E2F2: variants seen among roughly 807,000 people sequenced by gnomAD.
E2F2 encodes transcription factor E2F2.
A neutral mutation model predicts 42.2 loss-of-function variants in E2F2; 22 were observed. The ratio of observed to expected loss-of-function variants is 0.52; its 90% CI spans 0.37 to 0.74. The LOEUF (loss-of-function observed/expected upper bound fraction) is 0.74. E2F2 is among the 30% of genes least tolerant of loss of function. The pLI, the probability that E2F2 is intolerant of heterozygous loss-of-function variation, is 0.00. For synonymous variants in E2F2, 248 were observed against 251.6 expected (o/e 0.99, Z 0.13); for missense variants, 481 against 557.8 (o/e 0.86, Z 1.39).
chr1:23,507,107 A>AT lies in E2F2; in HGVS notation c.*2772dup, dbSNP rs34779858. On this transcript the variant is annotated 3_prime_UTR_variant, in exon 7 of 7. Transcript: ENST00000361729. ...TTAGAAGTCCCTGGGGACACGAGTG[A>AT]TTTTTTTAGGGGGGCTGCTGGTGGG... 59,702 of 152,008 alleles carry AT rather than the reference A, an allele frequency of 0.39. 14,075 individuals carry two copies. Among genetic ancestry groups the AT allele is most frequent in the East Asian group, 0.59 (3,032 of 5,154 alleles). 9.4% of individuals were successfully genotyped at this position (152,008 alleles called of 1,614,324 possible).
intron 3 of E2F2, 38 bp from the exon 4 acceptor site, chr1:23,521,109 T>C: frequency 1.9e-6 from 3 of 1,571,778 alleles, no homozygotes; most frequent in Non-Finnish European, 2.6e-6. Context: ...AGTCTGTGGG[T>C]GAAACTCCAG....
At chr1:23,522,183 A>C (rs1643164692) in intron 2 of E2F2, 127 bp from the exon 3 acceptor site, 3 of 812,668 alleles carry the variant, frequency 3.7e-6, no homozygotes, top group Middle Eastern at 6.8e-4. Context: ...AAGCAGTGTG[A>C]GCCAGGGCAT....
Position 23,508,275 on chromosome 1 carries a change from C to G in E2F2, c.*1605G>C, listed in dbSNP as rs1057068909. 3 of 152,272 alleles carry G rather than the reference C, an allele frequency of 2.0e-5. No homozygotes were observed. Among genetic ancestry groups the G allele is most frequent in the Non-Finnish European group, 4.4e-5 (3 of 68,080 alleles). 9.4% of individuals were successfully genotyped at this position (152,272 alleles called of 1,614,324 possible). ...ATAATCCCTCGTCTCAAACTTCAGA[C>G]ATCAGTCAGTCAGCTCAGGAGCCAT... is the stretch of plus-strand genomic sequence containing the variant. On this transcript the variant is annotated 3_prime_UTR_variant, in exon 7 of 7. Coordinates refer to ENST00000361729, the MANE Select transcript of E2F2 (RefSeq NM_004091.4).
At chr1:23,515,782 G>T (rs762073385) in intron 6 of E2F2, among the ~76,000 whole-genome samples, 1 of 152,138 alleles carries the variant, frequency 6.6e-6, no homozygotes, top group Non-Finnish European at 1.5e-5. Flanking sequence ...GCTCACTGTA[G>T]CCTCAACCTC....
chr1:23,523,090 T>C (rs963155453), intron 2 of E2F2, among the ~76,000 whole-genome samples: 1 of 151,960 alleles, frequency 6.6e-6, no homozygotes, highest in African/African-American at 2.4e-5. Flanking sequence ...AGCAGAATCC[T>C]ACCTGGACCC....
chr1:23,516,262 A>C, intron 6 of E2F2, 73 bp downstream of exon 6: 1 of 1,396,368 alleles, frequency 7.2e-7, no homozygotes, highest in Admixed American at 3.5e-5. Context: ...GTTTTCAACA[A>C]ACATTGATAT....
chr1:23,527,604 C>T (rs1643272923), intron 1 of E2F2, among the ~76,000 whole-genome samples: 1 of 152,210 alleles, frequency 6.6e-6, no homozygotes, highest in Non-Finnish European at 1.5e-5. Flanking sequence ...CCCAAGGTCA[C>T]GCAGAGTGGA....
At position 23,506,569 on chromosome 1, in the gene E2F2, C is replaced by T; in HGVS notation, c.*3311G>A. On this transcript the variant is annotated 3_prime_UTR_variant, in exon 7 of 7. Coordinates refer to ENST00000361729, the MANE Select transcript of E2F2 (RefSeq NM_004091.4). ...AGTCCCAGCACGGGGACCATGTTCTCTCGGTTCCAGCTCACCCTCGAAAAG... is the reference window on the plus strand; with the variant it reads ...AGTCCCAGCACGGGGACCATGTTCTTTCGGTTCCAGCTCACCCTCGAAAAG... The T allele has an allele frequency of 6.6e-6, 1 of 152,306 alleles. No homozygotes were observed. The highest frequency in any genetic ancestry group is 1.9e-4 in the East Asian group (1 of 5,200). The allele number at this position is 152,306 out of a possible 1,614,324, so 9.4% of individuals were successfully genotyped here.
chr1:23,530,558 G>A lies in E2F2; in HGVS notation c.236C>T (p.Pro79Leu), dbSNP rs761052805. 55 of 1,610,862 alleles carry A rather than the reference G, an allele frequency of 3.4e-5. 1 individual carries two copies. In the South Asian group the frequency reaches 5.6e-4, roughly 16 times the overall value. The change falls in exon 1 of 7, where the codon CCG becomes CTG. Residue 79 changes from proline (P) to leucine (L), a missense_variant. Coordinates refer to ENST00000361729, the MANE Select transcript of E2F2 (RefSeq NM_004091.4). The surrounding 1 kb of genome is among the most constrained non-coding windows in gnomAD (Gnocchi z 4.4). ...GPEGQVVRCL[P>L]AGRLPAKRKL... ...CAGCATTACCGGCAGCCGGCCTGCC[G>A]GCAGGCATCGCACAACTTGGCCCTC...
intron 6 of E2F2, among the ~76,000 whole-genome samples, chr1:23,511,263 T>A (rs923075219): frequency 2.0e-5 from 3 of 151,118 alleles, no homozygotes; most frequent in African/African-American, 7.3e-5. Flanking sequence ...TGAAACAGGG[T>A]CTTGCCCAAG....
At chr1:23,521,636 G>C in intron 3 of E2F2, 1 of 985,054 alleles carries the variant, frequency 1.0e-6, no homozygotes, top group South Asian at 4.7e-5. Context: ...CAGGTACACG[G>C]CGCTCTTCCT....
rs3218207 is a variant in E2F2, at chr1:23,510,204, G to T, written c.1046-56C>A. ...GCCCTAGCATCCAACTCCTCAGCAC[G>T]CGAGGACAGACTTCCGGTTCTCTGG... is the stretch of plus-strand genomic sequence containing the variant. On this transcript the variant is annotated intron_variant, in intron 6 of 6. Transcript: ENST00000361729. 8,119 of 1,472,064 alleles carry T rather than the reference G, an allele frequency of 5.5e-3. 369 individuals carry two copies. In the African/African-American group the frequency reaches 0.095, roughly 17 times the overall value. 91.2% of individuals were successfully genotyped at this position (1,472,064 alleles called of 1,614,324 possible).
chr1:23,520,523 C>T (rs1444307482), intron 4 of E2F2, among the ~76,000 whole-genome samples: 1 of 151,850 alleles, frequency 6.6e-6, no homozygotes, highest in African/African-American at 2.4e-5. Flanking sequence ...GCAGGAGGAT[C>T]GACTGAAGCC....
chr1:23,513,562 ATGTGTGTGTGTGTGTGTGTG>A (rs71023281), intron 6 of E2F2, among the ~76,000 whole-genome samples: 26 of 135,286 alleles, frequency 1.9e-4, no homozygotes, highest in African/African-American at 3.0e-4. Flanking sequence ...AGCACGGAAC[ATGTGTGTGTGTGTGTGTGTG>A]TGTGTGTGTG....
rs74604082 is a variant in E2F2 at position 23,514,833 on chromosome 1, CAAAAAAAAAAA to C, written c.1045+1491_1045+1501del. 1.5e-4 allele frequency among the ~76,000 whole-genome samples: 7 copies of C among 46,750 alleles called. No individual in the cohort carries two copies. The South Asian group carries it at 4.6e-3, about 31-fold the overall frequency. The allele number at this position is 46,750 out of a possible 152,430, so 30.7% of individuals were successfully genotyped here. Reference sequence around the variant, plus strand: ...GCCTGGTGACGGAGCGAGACTGTCTCAAAAAAAAAAAAAAAAAAAAAAGCTGGAGAGTATTT... The same window carrying C: ...GCCTGGTGACGGAGCGAGACTGTCTCAAAAAAAAAAAGCTGGAGAGTATTT... On this transcript the variant is annotated intron_variant, in intron 6 of 6. Transcript: ENST00000361729.
chr1:23,514,205 G>GCGAAGGAAC (rs1413795544), intron 6 of E2F2, among the ~76,000 whole-genome samples: 1 of 152,188 alleles, frequency 6.6e-6, no homozygotes, highest in Non-Finnish European at 1.5e-5. Context: ...GACAACTGAA[G>GCGAAGGAAC]CGAAGGTGGT....
At chr1:23,513,163 C>T (rs1360592700) in intron 6 of E2F2, among the ~76,000 whole-genome samples, 3 of 143,894 alleles carry the variant, frequency 2.1e-5, no homozygotes, top group Admixed American at 7.1e-5. Flanking sequence ...ATGTCATCTT[C>T]TATAACCCAT....
At chr1:23,516,696 T>C (rs1487734493) in intron 5 of E2F2, among the ~76,000 whole-genome samples, 169 bp from the exon 6 acceptor site, 4 of 151,722 alleles carry the variant, frequency 2.6e-5, no homozygotes, top group Non-Finnish European at 5.9e-5. Context: ...TTCCGCTGTT[T>C]CTGCTGTCTG....
chr1:23,519,490 G>A (rs1401598342), intron 4 of E2F2: 1 of 160,648 alleles, frequency 6.2e-6, no homozygotes, highest in South Asian at 1.9e-4. Context: ...AAAATACAAG[G>A]TCAGATCCAA....
Sources: gnomAD v4.1 joint callset for allele counts (sites outside exome capture counted in the v4.1 genomes callset) on GRCh38, gnomAD v4.1.1 for gene constraint, Gnocchi (gnomAD v3.1) non-coding constraint, MANE v1.5 for transcripts, NCBI Gene and HGNC (gene_info 2026-07-23, HGNC 2026-07-21) for gene names.